Variants in PTPRD observed in about 807,000 individuals in gnomAD.
The protein encoded by PTPRD is protein tyrosine phosphatase receptor type D.
PTPRD carries 34 observed loss-of-function variants against 214.5 expected under a neutral mutation model. That is an observed-to-expected ratio of 0.16 (90% CI 0.12 to 0.21). PTPRD has a LOEUF of 0.21. PTPRD is among the 10% of genes least tolerant of loss of function. PTPRD has a pLI of 1.00. For missense variants in PTPRD, 2,545 were observed against 2,398.7 expected, an observed-to-expected ratio of 1.06 and a Z score of -1.27; for synonymous variants, 1,128 against 845.7, an observed-to-expected ratio of 1.33 and a Z score of -5.79.
At chr9:9,502,577 C>T (rs556726910) in intron 8 of PTPRD, among the ~76,000 whole-genome samples, 1 of 151,954 alleles carries the variant, frequency 6.6e-6, no homozygotes, top group South Asian at 2.1e-4. Flanking sequence ...AGTGATTCCA[C>T]CACTAAGTCT....
At chr9:10,240,891 C>G (rs759213069) in intron 3 of PTPRD, among the ~76,000 whole-genome samples, 1 of 151,508 alleles carries the variant, frequency 6.6e-6, no homozygotes, top group Non-Finnish European at 1.5e-5. Context: ...AAAACCTAAA[C>G]CTTTTGCTCA....
intron 3 of PTPRD, among the ~76,000 whole-genome samples, chr9:10,246,808 C>T (rs376964487): frequency 5.5e-4 from 83 of 151,610 alleles, no homozygotes; most frequent in African/African-American, 1.9e-3. Context: ...GCAGGAGAAT[C>T]GCTTGAACCT....
At chr9:9,705,228 T>C (rs1460187678) in intron 7 of PTPRD, among the ~76,000 whole-genome samples, 1 of 152,220 alleles carries the variant, frequency 6.6e-6, no homozygotes, top group African/African-American at 2.4e-5. Flanking sequence ...CTTATTCTCA[T>C]GCCAGTGGTT....
intron 2 of PTPRD, among the ~76,000 whole-genome samples, chr9:10,360,424 G>T (rs1257816192): frequency 6.6e-6 from 1 of 152,172 alleles, no homozygotes; most frequent in African/African-American, 2.4e-5. Context: ...GCATGTCATT[G>T]TCTAGAAAAA....
intron 4 of PTPRD, among the ~76,000 whole-genome samples, chr9:9,948,488 A>T (rs1180845243): frequency 6.6e-6 from 1 of 152,142 alleles, no homozygotes; most frequent in East Asian, 1.9e-4. Context: ...CATTTTAAAA[A>T]ATGTGAGACA....
Position 9,771,900 on chromosome 9 carries a change from G to A in PTPRD, c.-367-5049C>T, listed in dbSNP as rs182339594. 4.9e-4 allele frequency among the ~76,000 whole-genome samples: 75 copies of A among 152,220 alleles called. 1 individual carries two copies. In the Middle Eastern group the frequency reaches 0.01, roughly 21 times the overall value. On this transcript the variant is annotated intron_variant, in intron 5 of 45. Transcript: ENST00000381196. ...TGCAACATATTTTACTCTCATAAAA[G>A]ACAGTAATGATGCCATAATAATTAG... is the stretch of plus-strand genomic sequence containing the variant.
chr9:8,496,200 AC>A (rs2097264322), intron 26 of PTPRD, among the ~76,000 whole-genome samples: 56 of 146,834 alleles, frequency 3.8e-4, no homozygotes, highest in South Asian at 3.1e-3. Context: ...ACACACACAC[AC>A]ACACACACAA....
At chr9:8,483,742 G>A (rs2096938733) in intron 30 of PTPRD, among the ~76,000 whole-genome samples, 2 of 152,162 alleles carry the variant, frequency 1.3e-5, no homozygotes, top group Admixed American at 1.3e-4. Context: ...TCGCGCCACT[G>A]CACTCCAGCC....
chr9:9,273,185 GC>G (rs1681874989), intron 9 of PTPRD, among the ~76,000 whole-genome samples: 1 of 151,190 alleles, frequency 6.6e-6, no homozygotes. Context: ...TCAATATATG[GC>G]AAAAATGATT....
At chr9:9,881,716 A>G (rs1386124249) in intron 5 of PTPRD, among the ~76,000 whole-genome samples, 1 of 152,092 alleles carries the variant, frequency 6.6e-6, no homozygotes, top group Non-Finnish European at 1.5e-5. Context: ...ACACCCCCAC[A>G]TCTCACTCTG....
chr9:9,083,975 C>T (rs2099763005), intron 10 of PTPRD, among the ~76,000 whole-genome samples: 1 of 152,136 alleles, frequency 6.6e-6, no homozygotes, highest in African/African-American at 2.4e-5. Flanking sequence ...TTAGTTCAAC[C>T]ATTGTGGAAG....
intron 8 of PTPRD, among the ~76,000 whole-genome samples, chr9:9,572,109 T>C (rs1341030971): frequency 6.6e-6 from 1 of 151,364 alleles, no homozygotes; most frequent in Non-Finnish European, 1.5e-5. Flanking sequence ...TTCATCAAAA[T>C]ATATCATCCA....
intron 7 of PTPRD, among the ~76,000 whole-genome samples, chr9:9,646,378 G>A (rs1223678161): frequency 6.6e-6 from 1 of 150,924 alleles, no homozygotes; most frequent in African/African-American, 2.4e-5. Flanking sequence ...CCCAGCACAG[G>A]TATGTTATTC....
chr9:10,278,084 T>G (rs148203348), intron 3 of PTPRD, among the ~76,000 whole-genome samples: 6 of 151,398 alleles, frequency 4.0e-5, no homozygotes, highest in African/African-American at 2.4e-5. Flanking sequence ...GGCGTGAACT[T>G]GGGAGGTGGA....
At chr9:9,947,596 AATATATATATT>A (rs1566625373) in intron 4 of PTPRD, among the ~76,000 whole-genome samples, 525 of 47,908 alleles carry the variant, frequency 0.011, 7 homozygotes, top group Non-Finnish European at 0.014. Context: ...TTATATATAT[AATATATATATT>A]TTATATATAT....
At chr9:8,628,128 T>G (rs1242240486) in intron 14 of PTPRD, among the ~76,000 whole-genome samples, 2 of 151,888 alleles carry the variant, frequency 1.3e-5, no homozygotes, top group African/African-American at 4.8e-5. Flanking sequence ...TGTTCTTTAA[T>G]GTTCCTAGCC....
chr9:10,517,629 T>C (rs911488443), intron 2 of PTPRD, among the ~76,000 whole-genome samples: 2 of 152,030 alleles, frequency 1.3e-5, no homozygotes, highest in African/African-American at 4.8e-5. Context: ...AATGTATCAA[T>C]ATCTATAGTT....
In PTPRD at chr9:9,300,477, A is replaced by T. The variant is rs1478237413; in HGVS notation, c.-203+96972T>A. ...TGCTACATAAGCTTTCCCTGACAGCAATGGACTGAATGTTTGTGTTCCCCC... is the reference window on the plus strand; with the variant it reads ...TGCTACATAAGCTTTCCCTGACAGCTATGGACTGAATGTTTGTGTTCCCCC... On this transcript the variant is annotated intron_variant, in intron 9 of 45. Transcript: ENST00000381196. 3.3e-5 allele frequency among the ~76,000 whole-genome samples: 5 copies of T among 151,834 alleles called. No homozygotes were observed. The East Asian group carries it at 9.7e-4, about 29-fold the overall frequency.
At chr9:9,567,655 G>A (rs1052193540) in intron 8 of PTPRD, among the ~76,000 whole-genome samples, 17 of 151,936 alleles carry the variant, frequency 1.1e-4, no homozygotes, top group Admixed American at 7.9e-4. Flanking sequence ...AGATACCACT[G>A]GTTGCCTAGC....
Sources: gnomAD v4.1 joint callset for allele counts (sites outside exome capture counted in the v4.1 genomes callset) on GRCh38, gnomAD v4.1.1 for gene constraint, MANE v1.5 for transcripts, NCBI Gene and HGNC (gene_info 2026-07-23, HGNC 2026-07-21) for gene names.